The following CHRM5 variants were observed in gnomAD, a reference collection of about 807,000 sequenced individuals.
CHRM5 encodes cholinergic receptor muscarinic 5.
Under a neutral mutation model 39.0 loss-of-function variants are expected in CHRM5, and 18 were observed. The ratio of observed to expected loss-of-function variants is 0.46; its 90% confidence interval spans 0.32 to 0.68. The LOEUF (loss-of-function observed/expected upper bound fraction) is 0.68. CHRM5 is among the 30% of genes least tolerant of loss of function. CHRM5 has a pLI of 0.04. For synonymous variants in CHRM5, 241 were observed against 246.3 expected (o/e 0.98, Z 0.20); for missense variants, 515 against 651.1 (o/e 0.79, Z 2.28).
intron 1 of CHRM5, chr15:34,002,967 C>A: frequency 2.9e-6 from 4 of 1,356,292 alleles, no homozygotes; most frequent in South Asian, 1.5e-5. Flanking sequence ...AATTTAAAAA[C>A]ATATATAAAA....
At chr15:34,009,627 T>C (rs1304017697) in intron 1 of CHRM5, among the ~76,000 whole-genome samples, 1 of 152,080 alleles carries the variant, frequency 6.6e-6, no homozygotes, top group Non-Finnish European at 1.5e-5. Context: ...AAAATAGACT[T>C]TAAAACAAAA....
At chr15:33,995,896 C>T (rs528776518) in intron 1 of CHRM5, among the ~76,000 whole-genome samples, 4 of 152,234 alleles carry the variant, frequency 2.6e-5, no homozygotes, top group East Asian at 1.9e-4. Context: ...ACCCTGGAAG[C>T]GCAAGGGGTC....
chr15:33,976,996 T>C (rs993308451), intron 1 of CHRM5, among the ~76,000 whole-genome samples: 2 of 152,134 alleles, frequency 1.3e-5, no homozygotes, highest in East Asian at 1.9e-4. Context: ...ATTCCTTATA[T>C]AGAAAAGAGA....
chr15:34,036,539 G>A (rs1379443601), intron 1 of CHRM5, among the ~76,000 whole-genome samples: 1 of 152,168 alleles, frequency 6.6e-6, no homozygotes, highest in Admixed American at 6.6e-5. Flanking sequence ...CTTGTCTCAT[G>A]TAATGGTTAA....
At chr15:34,062,608 G>T in intron 2 of CHRM5, 35 bp from the exon 3 acceptor site, 1 of 895,290 alleles carries the variant, frequency 1.1e-6, no homozygotes, top group Non-Finnish European at 1.7e-6. Flanking sequence ...AAATCATGCT[G>T]GTGTGCGAAG....
chr15:33,979,081 C>T (rs943463263), intron 1 of CHRM5, among the ~76,000 whole-genome samples: 4 of 152,274 alleles, frequency 2.6e-5, no homozygotes, highest in Non-Finnish European at 5.9e-5. Context: ...TTTAAGTCTA[C>T]TCTAATAAAG....
intron 2 of CHRM5, among the ~76,000 whole-genome samples, chr15:34,049,307 G>A (rs1050066214): frequency 4.6e-5 from 7 of 152,134 alleles, no homozygotes; most frequent in African/African-American, 1.7e-4. Flanking sequence ...TATGAATCAT[G>A]AGAAAACAAT....
intron 1 of CHRM5, among the ~76,000 whole-genome samples, chr15:34,045,027 G>A (rs148004616): frequency 0.02 from 3,084 of 152,236 alleles, 125 homozygotes; most frequent in African/African-American, 0.07. Context: ...CAGCCTGGGC[G>A]ACAGAGCGAG....
chr15:34,029,080 G>A (rs907993724), intron 1 of CHRM5, among the ~76,000 whole-genome samples: 2 of 151,948 alleles, frequency 1.3e-5, no homozygotes, highest in East Asian at 1.9e-4. Context: ...CTCTGCAGAC[G>A]TTCATGCTAC....
chr15:34,047,128 A>G (rs1188136364), intron 2 of CHRM5, among the ~76,000 whole-genome samples: 2 of 148,134 alleles, frequency 1.4e-5, no homozygotes, highest in African/African-American at 2.5e-5. Context: ...CCCAGGCTGG[A>G]GTGCAGTGAC....
At chr15:33,991,421 T>C (rs1403870037) in intron 1 of CHRM5, 1 of 152,108 alleles carries the variant, frequency 6.6e-6, no homozygotes, top group Non-Finnish European at 1.5e-5. Flanking sequence ...CATGATGTGA[T>C]TATTATGCAT....
Position 34,046,675 on chromosome 15 carries a change from G to A in CHRM5, c.-272G>A, listed in dbSNP as rs1483217122. Reference sequence around the variant, plus strand: ...AGATGGCGGATTAGAAGCAGCGGCAGCCCGCAGCTCTCATGCAAAGGAATG... The same window carrying A: ...AGATGGCGGATTAGAAGCAGCGGCAACCCGCAGCTCTCATGCAAAGGAATG... On this transcript the variant is annotated 5_prime_UTR_variant, in exon 2 of 3. Transcript: ENST00000383263. 1 of 152,262 alleles carries A rather than the reference G, an allele frequency of 6.6e-6. No homozygotes were observed. The highest frequency in any genetic ancestry group is 1.5e-5 in the Non-Finnish European group (1 of 68,062). The allele number at this position is 152,262 out of a possible 1,614,324, so 9.4% of individuals were successfully genotyped here.
intron 1 of CHRM5, among the ~76,000 whole-genome samples, chr15:34,024,535 A>C (rs1023106633): frequency 3.3e-5 from 5 of 151,528 alleles, no homozygotes; most frequent in Admixed American, 2.0e-4. Context: ...GAAAACTATC[A>C]AATTAAAACT....
chr15:34,042,035 C>T (rs573084087), intron 1 of CHRM5, among the ~76,000 whole-genome samples: 17 of 152,268 alleles, frequency 1.1e-4, no homozygotes, highest in Admixed American at 9.8e-4. Flanking sequence ...TCCTAATTAG[C>T]GGACACAACT....
At chr15:34,025,797 G>A (rs1898440514) in intron 1 of CHRM5, among the ~76,000 whole-genome samples, 1 of 144,526 alleles carries the variant, frequency 6.9e-6, no homozygotes, top group Non-Finnish European at 1.6e-5. Context: ...CATGTGTAAA[G>A]CGGAGGAAGG....
At chr15:33,970,972 T>A (rs77066216) in intron 1 of CHRM5, among the ~76,000 whole-genome samples, 2,200 of 152,090 alleles carry the variant, frequency 0.014, 51 homozygotes, top group African/African-American at 0.049. Flanking sequence ...CTTTGCTCTA[T>A]AATAACCCAT....
At chr15:34,020,990 G>C (rs1898175839) in intron 1 of CHRM5, among the ~76,000 whole-genome samples, 1 of 152,172 alleles carries the variant, frequency 6.6e-6, no homozygotes, top group African/African-American at 2.4e-5. Flanking sequence ...CCATGCATCT[G>C]AAAAGTCTTT....
At chr15:33,971,644 A>G (rs1017595082) in intron 1 of CHRM5, among the ~76,000 whole-genome samples, 8 of 152,078 alleles carry the variant, frequency 5.3e-5, no homozygotes, top group Admixed American at 4.6e-4. Flanking sequence ...ACATTGCATA[A>G]TATTTTTAAA....
chr15:34,062,569 A>AAC (rs1900373841), intron 2 of CHRM5, 74 bp from the exon 3 acceptor site: 1 of 688,096 alleles, frequency 1.5e-6, no homozygotes, highest in Admixed American at 3.5e-5. Flanking sequence ...AAAAAAAAAA[A>AAC]AAAAACTATA....
Sources: allele counts gnomAD v4.1 joint callset (sites outside exome capture counted in the v4.1 genomes callset), GRCh38; gene constraint gnomAD v4.1.1; transcripts MANE v1.5; gene names NCBI Gene and HGNC (gene_info 2026-07-23, HGNC 2026-07-21).